Variants in WSCD1 observed in about 807,000 individuals in gnomAD.
The protein encoded by WSCD1 is sialate:O-sulfotransferase 1.
Under a neutral mutation model 60.4 loss-of-function variants are expected in WSCD1, and 41 were observed. That is an observed-to-expected ratio of 0.68 (90% CI 0.53 to 0.88). The LOEUF is 0.88. WSCD1 is among the 40% of genes least tolerant of loss of function. The pLI, the probability that WSCD1 is intolerant of heterozygous loss-of-function variation, is 0.00. For missense variants in WSCD1, 784 were observed against 796.2 expected (o/e 0.98, Z 0.18); for synonymous variants, 361 against 332.5 (o/e 1.09, Z -0.93).
intron 5 of WSCD1, among the ~76,000 whole-genome samples, chr17:6,099,216 C>T (rs1273936604): frequency 6.6e-6 from 1 of 152,044 alleles, no homozygotes; most frequent in Non-Finnish European, 1.5e-5. Flanking sequence ...TCTTTTCTAA[C>T]AGAAAAGGCG....
chr17:6,113,491 A>G (rs1421073075), intron 7 of WSCD1, among the ~76,000 whole-genome samples: 2 of 152,342 alleles, frequency 1.3e-5, no homozygotes, highest in African/African-American at 2.4e-5. Flanking sequence ...GCAAAATTAG[A>G]CAAGTGGTAT....
At chr17:6,109,866 G>A in intron 6 of WSCD1, 100 bp downstream of exon 6, 3 of 1,487,116 alleles carry the variant, frequency 2.0e-6, no homozygotes, top group Non-Finnish European at 2.8e-6. Context: ...ATGCAGTTAT[G>A]AGGTATGGCA....
At position 6,101,463 on chromosome 17, in the gene WSCD1, T is replaced by C. The variant is rs1344706099; in HGVS notation, c.849+6240T>C. On this transcript the variant is annotated intron_variant, in intron 5 of 8. Coordinates refer to ENST00000317744, the MANE Select transcript of WSCD1 (RefSeq NM_015253.2). The surrounding 1 kb of genome is among the most constrained non-coding windows in gnomAD (Gnocchi z 4.1). ...CAGGAAAAGAGGAGGGGGTTCCTTG[T>C]AGTGCCCCCACCTTTGAGCACCATC... Among the ~76,000 whole-genome samples, 1 of 152,070 alleles carries C rather than the reference T, an allele frequency of 6.6e-6. No homozygotes were observed. Among genetic ancestry groups the C allele is most frequent in the Non-Finnish European group, 1.5e-5 (1 of 68,006 alleles).
chr17:6,120,514 C>T lies in WSCD1; in HGVS notation c.1581C>T (p.Ser527=), dbSNP rs748364635. 4 of 1,613,814 alleles carry T rather than the reference C, an allele frequency of 2.5e-6. No individual in the cohort carries two copies. Among genetic ancestry groups the T allele is most frequent in the Non-Finnish European group, 2.5e-6 (3 of 1,180,000 alleles). Residue 527 remains serine (S), a synonymous_variant, in exon 9 of 9, where the codon AGC becomes AGT. Transcript: ENST00000317744. ...GCGTGGAGAACAACAAGGAGGGCAG[C>T]TTCCGGCGGCGCGGCCGGCGCTCCC... is the stretch of plus-strand genomic sequence containing the variant. The part of the protein sequence containing the change: ...LLCVENNKEG[S]FRRRGRRSHD...
intron 7 of WSCD1, among the ~76,000 whole-genome samples, chr17:6,114,894 A>G (rs1282585345): frequency 1.4e-5 from 2 of 146,146 alleles, no homozygotes; most frequent in Non-Finnish European, 3.0e-5. Context: ...CCCTGTGTCC[A>G]TGTGTTCTCA....
chr17:6,106,782 A>G (rs1047976370), intron 5 of WSCD1, among the ~76,000 whole-genome samples: 10 of 152,150 alleles, frequency 6.6e-5, no homozygotes, highest in African/African-American at 1.9e-4. Flanking sequence ...CAACTTGAAA[A>G]GGGGGTGGCC....
chr17:6,097,941 G>C (rs908240622), intron 5 of WSCD1, among the ~76,000 whole-genome samples: 17 of 147,216 alleles, frequency 1.2e-4, no homozygotes, highest in African/African-American at 4.5e-4. Flanking sequence ...TTAGGGCCCA[G>C]AGAGTTCTTT....
chr17:6,070,102 G>C (rs1477397404), upstream of WSCD1, among the ~76,000 whole-genome samples: 1 of 151,226 alleles, frequency 6.6e-6, no homozygotes, highest in African/African-American at 2.4e-5. Flanking sequence ...GTCATGGTGC[G>C]TGTGTTAGAG....
At chr17:6,081,677 C>G (rs9895279) in intron 2 of WSCD1, among the ~76,000 whole-genome samples, 4,086 of 151,370 alleles carry the variant, frequency 0.027, 86 homozygotes, top group South Asian at 0.063. Context: ...GGCCACTGCA[C>G]TCCAGCCTGG....
chr17:6,116,210 G>A (rs540020076), intron 7 of WSCD1, among the ~76,000 whole-genome samples: 2 of 152,194 alleles, frequency 1.3e-5, no homozygotes, highest in South Asian at 4.2e-4. Flanking sequence ...TCATCTCCAA[G>A]GCCCTTACCT....
Position 6,086,249 on chromosome 17 carries a change from TCA to T in WSCD1, c.428-1740_428-1739del, listed in dbSNP as rs1491198362. Reference sequence around the variant, plus strand: ...TGCAGTCAGTAAGACCGTCCTGACTTCATATATATATATATATATATATATAC... The same window carrying T: ...TGCAGTCAGTAAGACCGTCCTGACTTTATATATATATATATATATATATAC... On this transcript the variant is annotated intron_variant, in intron 2 of 8. Transcript: ENST00000317744. Among the ~76,000 whole-genome samples, 4 of 71,214 alleles carry T rather than the reference TCA, an allele frequency of 5.6e-5. 1 individual carries two copies. Among genetic ancestry groups the T allele is most frequent in the African/African-American group, 1.7e-4 (3 of 17,580 alleles). The allele number at this position is 71,214 out of a possible 152,430, so 46.7% of individuals were successfully genotyped here. A position where few individuals can be genotyped will look rare whatever the true frequency, so the allele number is the denominator to read the frequency against.
In WSCD1 at chr17:6,120,430, C is replaced by T. The variant is rs147047722; in HGVS notation, c.1497C>T (p.Pro499=). The part of the protein sequence containing the change: ...HYEELRRSLV[P]TLREMVAFLN... ...AGGAGCTGCGGCGCAGCCTGGTGCC[C>T]ACGTTACGGGAGATGGTGGCCTTCC... The change falls in exon 9 of 9, where the codon CCC becomes CCT. Residue 499 remains proline, a synonymous_variant. Transcript: ENST00000317744. 6.6e-5 allele frequency: 107 copies of T among 1,613,964 alleles called. 2 individuals carry two copies. Among genetic ancestry groups the T allele is most frequent in the South Asian group, 3.6e-4 (33 of 91,092 alleles).
At chr17:6,070,127 G>A (rs1908431683), upstream of WSCD1, among the ~76,000 whole-genome samples, 2 of 147,866 alleles carry the variant, frequency 1.4e-5, no homozygotes, top group Admixed American at 6.7e-5. Flanking sequence ...TGGGGCCCCG[G>A]TGAAAGGCTG....
chr17:6,072,395 C>CTCTG (rs1908598078), intron 1 of WSCD1, among the ~76,000 whole-genome samples: 1 of 152,198 alleles, frequency 6.6e-6, no homozygotes, highest in African/African-American at 2.4e-5. Context: ...GACTCAGAGC[C>CTCTG]TCTGAATCCA....
At chr17:6,072,165 G>A (rs1327426792) in intron 1 of WSCD1, among the ~76,000 whole-genome samples, 1 of 152,260 alleles carries the variant, frequency 6.6e-6, no homozygotes, top group African/African-American at 2.4e-5. Flanking sequence ...ACTGCCCTGT[G>A]GCCTGTGGCA....
chr17:6,084,932 C>T (rs1034481344), intron 2 of WSCD1: 3 of 152,188 alleles, frequency 2.0e-5, no homozygotes, highest in Admixed American at 1.3e-4. Context: ...TTATCCCCGT[C>T]GCACACTGAG....
At chr17:6,073,493 G>A (rs1299530086) in intron 1 of WSCD1, among the ~76,000 whole-genome samples, 1 of 152,194 alleles carries the variant, frequency 6.6e-6, no homozygotes, top group African/African-American at 2.4e-5. Flanking sequence ...AGCTGGGCAT[G>A]GTGGTGTGTG....
At chr17:6,081,612 G>A (rs539173101) in intron 2 of WSCD1, among the ~76,000 whole-genome samples, 1 of 151,952 alleles carries the variant, frequency 6.6e-6, no homozygotes. Context: ...TCGAGAGGCT[G>A]AGGTACCAGA....
Position 6,080,957 on chromosome 17 carries a change from G to C in WSCD1, c.299G>C (p.Arg100Pro). The change falls in exon 2 of 9, where the codon CGC (arginine) becomes CCC (proline). Residue 100 changes from arginine to proline, a missense_variant. By Grantham distance (103) the Arg-to-Pro change is moderately radical. Transcript: ENST00000317744. This position sits in a 1 kb window ranked among gnomAD's most constrained non-coding sequence, Gnocchi z 6.6. ...SPLTRPRPGP[R>P]WLRSRNSELR... is the part of the protein sequence containing the mutation. ...CTGACCCGGCCCCGGCCCGGCCCCC[G>C]CTGGCTCCGGAGCCGCAACTCGGAG... 1 of 1,557,596 alleles carries C rather than the reference G, an allele frequency of 6.4e-7. No individual in the cohort carries two copies. Among genetic ancestry groups the C allele is most frequent in the Non-Finnish European group, 8.7e-7 (1 of 1,155,226 alleles).
Sources: allele counts gnomAD v4.1 joint callset (sites outside exome capture counted in the v4.1 genomes callset), GRCh38; gene constraint gnomAD v4.1.1; non-coding constraint Gnocchi (gnomAD v3.1); transcripts MANE v1.5; gene names NCBI Gene and HGNC (gene_info 2026-07-23, HGNC 2026-07-21).